The following ARAP2 variants were observed in gnomAD, a reference collection of about 807,000 sequenced individuals.
ARAP2 encodes arf-GAP with Rho-GAP domain, ANK repeat and PH domain-containing protein 2.
Under a neutral mutation model 194.5 loss-of-function variants are expected in ARAP2, and 148 were observed. The ratio of observed to expected loss-of-function variants is 0.76; its 90% CI spans 0.67 to 0.87. The LOEUF (loss-of-function observed/expected upper bound fraction) is 0.87, where lower values mean the gene tolerates loss of function less well. Among genes scored for constraint, ARAP2 ranks in the 40% least tolerant of loss-of-function variants. The pLI is 0.00. For synonymous variants in ARAP2, 695 were observed against 683.5 expected (o/e 1.02, Z -0.26); for missense variants, 2,128 against 1,989.7 (o/e 1.07, Z -1.32).
intron 15 of ARAP2, among the ~76,000 whole-genome samples, chr4:36,156,409 A>G (rs1311001591): frequency 2.5e-4 from 1 of 4,030 alleles, no homozygotes; most frequent in African/African-American, 2.1e-3. Flanking sequence ...GAAAGAAAGA[A>G]AGAAAGAAAG....
At chr4:36,187,922 G>C (rs999333647) in intron 7 of ARAP2, among the ~76,000 whole-genome samples, 1 of 152,176 alleles carries the variant, frequency 6.6e-6, no homozygotes, top group Non-Finnish European at 1.5e-5. Flanking sequence ...GTGTTTGCAG[G>C]CATCTGCTGG....
intron 26 of ARAP2, among the ~76,000 whole-genome samples, chr4:36,109,994 AC>A (rs1719478059): frequency 2.0e-5 from 3 of 151,604 alleles, no homozygotes; most frequent in Admixed American, 1.3e-4. Flanking sequence ...TCACTTTCAA[AC>A]TTCACAATAA....
chr4:36,025,332 ACT>A (rs1260735482), intron 5 of ARAP2, among the ~76,000 whole-genome samples: 1 of 152,000 alleles, frequency 6.6e-6, no homozygotes, highest in East Asian at 1.9e-4. Flanking sequence ...TTTTAAAGCA[ACT>A]CTTAGTGGTA....
chr4:36,074,529 T>C (rs536721463), intron 31 of ARAP2, among the ~76,000 whole-genome samples: 19 of 152,162 alleles, frequency 1.2e-4, no homozygotes, highest in Non-Finnish European at 2.5e-4. Flanking sequence ...CTCTGATATA[T>C]ACATATAAAA....
At chr4:36,157,630 C>T (rs1732876646) in intron 15 of ARAP2, 1 of 152,216 alleles carries the variant, frequency 6.6e-6, no homozygotes. Flanking sequence ...ACTGACATCA[C>T]ATCAACGATC....
chr4:36,193,196 T>C (rs1334627503), intron 7 of ARAP2, among the ~76,000 whole-genome samples: 1 of 152,174 alleles, frequency 6.6e-6, no homozygotes. Context: ...TGTTACTGTC[T>C]AAAAGCATAT....
At chr4:36,180,796 T>C (rs1327612486) in intron 8 of ARAP2, among the ~76,000 whole-genome samples, 1 of 152,212 alleles carries the variant, frequency 6.6e-6, no homozygotes, top group Non-Finnish European at 1.5e-5. Context: ...AGAAGAATTA[T>C]CTAGCTCCTG....
chr4:36,007,577 C>T (rs889936018), intron 9 of ARAP2, among the ~76,000 whole-genome samples: 2 of 152,036 alleles, frequency 1.3e-5, no homozygotes, highest in African/African-American at 4.8e-5. Context: ...TCTTACCCCG[C>T]GAAGTATGAG....
At chr4:36,009,098 G>T (rs1307310969) in intron 9 of ARAP2, among the ~76,000 whole-genome samples, 2 of 152,098 alleles carry the variant, frequency 1.3e-5, no homozygotes, top group Admixed American at 1.3e-4. Context: ...CTGCTGCTGA[G>T]AATGTAAACT....
At chr4:36,082,464 G>A (rs996424472) in intron 29 of ARAP2, among the ~76,000 whole-genome samples, 178 bp from the exon 30 acceptor site, 1 of 152,102 alleles carries the variant, frequency 6.6e-6, no homozygotes, top group African/African-American at 2.4e-5. Flanking sequence ...TAAGGGATCT[G>A]GCTACACATT....
chr4:36,051,752 A>G (rs1480210639), intron 3 of ARAP2, among the ~76,000 whole-genome samples: 2 of 152,204 alleles, frequency 1.3e-5, no homozygotes, highest in African/African-American at 2.4e-5. Context: ...GAATATTTAT[A>G]AATCTACTTA....
intron 27 of ARAP2, among the ~76,000 whole-genome samples, chr4:36,097,903 T>C (rs1375906281): frequency 6.6e-6 from 1 of 152,024 alleles, no homozygotes; most frequent in Non-Finnish European, 1.5e-5. Flanking sequence ...AACAAACATG[T>C]ATTGTAAGTT....
intron 19 of ARAP2, among the ~76,000 whole-genome samples, chr4:36,140,159 C>G (rs567058958): frequency 1.2e-4 from 18 of 151,216 alleles, no homozygotes; most frequent in African/African-American, 4.4e-4. Context: ...CACACACACA[C>G]ACACACACAC....
downstream of ARAP2, among the ~76,000 whole-genome samples, chr4:36,064,894 G>A (rs966483408): frequency 3.9e-5 from 6 of 152,210 alleles, no homozygotes; most frequent in African/African-American, 1.4e-4. Flanking sequence ...AGAAAGGGTG[G>A]AGATGATGAG....
At chr4:36,039,428 T>C (rs905351268) in intron 5 of ARAP2, among the ~76,000 whole-genome samples, 4 of 152,178 alleles carry the variant, frequency 2.6e-5, no homozygotes, top group Non-Finnish European at 4.4e-5. Flanking sequence ...AATTGGCATG[T>C]TCCTGCTTAA....
chr4:36,108,833 T>C (rs1309869820), intron 26 of ARAP2, among the ~76,000 whole-genome samples: 1 of 151,906 alleles, frequency 6.6e-6, no homozygotes, highest in Non-Finnish European at 1.5e-5. Flanking sequence ...AATAGCATAA[T>C]TGAAAATAAT....
intron 19 of ARAP2, among the ~76,000 whole-genome samples, chr4:36,133,941 A>G (rs926663960): frequency 1.3e-5 from 2 of 151,632 alleles, no homozygotes; most frequent in Non-Finnish European, 2.9e-5. Flanking sequence ...TTTTCACATA[A>G]ATTAGTTTAC....
At chr4:36,086,287 G>A (rs1339161012) in intron 28 of ARAP2, among the ~76,000 whole-genome samples, 4 of 152,074 alleles carry the variant, frequency 2.6e-5, no homozygotes, top group Admixed American at 2.6e-4. Flanking sequence ...GGACATTGAT[G>A]ATTTCATGAC....
At chr4:36,141,530 T>C (rs897130287) in intron 19 of ARAP2, among the ~76,000 whole-genome samples, 3 of 151,650 alleles carry the variant, frequency 2.0e-5, no homozygotes, top group African/African-American at 7.3e-5. Flanking sequence ...CCATGAAGAT[T>C]AAAATATCTA....
Sources: gnomAD v4.1 joint callset for allele counts (sites outside exome capture counted in the v4.1 genomes callset) on GRCh38, gnomAD v4.1.1 for gene constraint, MANE v1.5 for transcripts, NCBI Gene and HGNC (gene_info 2026-07-23, HGNC 2026-07-21) for gene names.